Variants in IL1RAPL1 observed in about 807,000 individuals in gnomAD.
IL1RAPL1 encodes the protein interleukin 1 receptor accessory protein like 1.
A neutral mutation model predicts 48.4 loss-of-function variants in IL1RAPL1; 3 were observed. The observed-to-expected ratio is 0.06, with a 90% CI of 0.03 to 0.16. The LOEUF is 0.16. IL1RAPL1 is among the 10% of genes least tolerant of loss of function. The pLI, the probability that IL1RAPL1 is intolerant of heterozygous loss-of-function variation, is 1.00. For synonymous variants in IL1RAPL1, 185 were observed against 187.7 expected (o/e 0.99, Z 0.12); for missense variants, 349 against 530.6 (o/e 0.66, Z 3.36).
chrX:28,998,086 G>C (rs1925763035), intron 2 of IL1RAPL1, among the ~76,000 whole-genome samples: 1 of 111,919 alleles, frequency 8.9e-6, no homozygotes, highest in Admixed American at 9.5e-5. Flanking sequence ...TGCAAAGTCT[G>C]TTGTACTTAG....
intron 5 of IL1RAPL1, among the ~76,000 whole-genome samples, chrX:29,613,428 C>G (rs138920256): frequency 0.081 from 8,922 of 110,562 alleles, 358 homozygotes; most frequent in Middle Eastern, 0.18. Context: ...GCTTCAATCT[C>G]TCAGCATTTC....
At chrX:29,500,118 C>G (rs978486659) in intron 5 of IL1RAPL1, among the ~76,000 whole-genome samples, 2 of 110,195 alleles carry the variant, frequency 1.8e-5, no homozygotes, top group Admixed American at 1.9e-4. Context: ...GCTGGGATTA[C>G]AGGTGCATGC....
chrX:29,379,389 G>A (rs932907089), intron 3 of IL1RAPL1, among the ~76,000 whole-genome samples: 4 of 112,165 alleles, frequency 3.6e-5, no homozygotes, highest in African/African-American at 1.3e-4. Context: ...GTTGGGCCTA[G>A]AGATTCTCAG....
At chrX:29,640,017 A>G (rs1402701786) in intron 5 of IL1RAPL1, among the ~76,000 whole-genome samples, 2 of 111,742 alleles carry the variant, frequency 1.8e-5, no homozygotes. Flanking sequence ...ATGAAAAGAA[A>G]TGAAGCTGAA....
chrX:29,769,733 C>A (rs1435892263), intron 6 of IL1RAPL1, among the ~76,000 whole-genome samples: 2 of 105,228 alleles, frequency 1.9e-5, no homozygotes, highest in African/African-American at 7.0e-5. Context: ...TCTCCTTCCT[C>A]AGCCTCCTGA....
chrX:28,777,738 G>T (rs1036923152), intron 1 of IL1RAPL1, among the ~76,000 whole-genome samples: 21 of 110,718 alleles, frequency 1.9e-4, no homozygotes, highest in African/African-American at 6.6e-4. Flanking sequence ...TTAAACTTGT[G>T]ATCTGAGGGT....
At chrX:29,159,971 A>C (rs779843449) in intron 2 of IL1RAPL1, among the ~76,000 whole-genome samples, 1,314 of 111,715 alleles carry the variant, frequency 0.012, 20 homozygotes, top group African/African-American at 0.04. Flanking sequence ...TCAGCCTCCC[A>C]AAATGCTGGG....
chrX:29,093,338 G>T (rs1287540473), intron 2 of IL1RAPL1, among the ~76,000 whole-genome samples: 1 of 110,201 alleles, frequency 9.1e-6, no homozygotes, highest in South Asian at 3.9e-4. Context: ...CAGGAGGAGG[G>T]GGGTGGGAGA....
intron 1 of IL1RAPL1, among the ~76,000 whole-genome samples, chrX:28,708,752 A>G (rs773394502): frequency 2.5e-4 from 28 of 111,531 alleles, no homozygotes; most frequent in Non-Finnish European, 4.1e-4. Context: ...GGAGTTAAAA[A>G]ACTTGATCAC....
chrX:28,746,835 T>C (rs764085107), intron 1 of IL1RAPL1, among the ~76,000 whole-genome samples: 4 of 111,913 alleles, frequency 3.6e-5, no homozygotes, highest in South Asian at 7.4e-4. Flanking sequence ...AAAATTCTTA[T>C]AAACTTCAGT....
intron 6 of IL1RAPL1, among the ~76,000 whole-genome samples, chrX:29,892,117 A>G (rs185693570): frequency 3.6e-5 from 4 of 112,475 alleles, no homozygotes; most frequent in African/African-American, 9.7e-5. Flanking sequence ...AAGTTTTAAC[A>G]TGATTGCCTA....
intron 1 of IL1RAPL1, among the ~76,000 whole-genome samples, chrX:28,762,819 CACACAGAGAGAGAGAGAGAGAG>C (rs1362535360): frequency 4.8e-4 from 19 of 39,268 alleles, no homozygotes; most frequent in Non-Finnish European, 8.6e-4. Context: ...CACACACACA[CACACAGAGAGAGAGAGAGAGAG>C]AGAGAGAGAG....
intron 1 of IL1RAPL1, among the ~76,000 whole-genome samples, chrX:28,727,990 C>T (rs921978995): frequency 1.3e-4 from 14 of 110,353 alleles, no homozygotes; most frequent in African/African-American, 4.3e-4. Context: ...TTAGTGGGTG[C>T]AGCGCACCAG....
intron 6 of IL1RAPL1, among the ~76,000 whole-genome samples, chrX:29,683,177 T>C (rs1257645891): frequency 8.9e-6 from 1 of 111,995 alleles, no homozygotes; most frequent in Non-Finnish European, 1.9e-5. Context: ...ATGACTTTAT[T>C]ACTGGGCACA....
intron 2 of IL1RAPL1, among the ~76,000 whole-genome samples, chrX:29,045,247 A>G (rs1347189282): frequency 8.9e-6 from 1 of 111,912 alleles, no homozygotes; most frequent in Admixed American, 9.5e-5. Flanking sequence ...TTTAACTTGG[A>G]TACTTCAACT....
intron 1 of IL1RAPL1, among the ~76,000 whole-genome samples, chrX:28,723,147 G>C (rs1306862349): frequency 1.8e-5 from 2 of 111,278 alleles, no homozygotes; most frequent in Non-Finnish European, 3.8e-5. Flanking sequence ...TCTATTCATT[G>C]GAATAGTTTC....
At chrX:28,591,611 G>T (rs1385845132) in intron 1 of IL1RAPL1, among the ~76,000 whole-genome samples, 1 of 111,675 alleles carries the variant, frequency 9.0e-6, no homozygotes, top group Non-Finnish European at 1.9e-5. Context: ...AATTGTACCG[G>T]TTGGGCAGCT....
intron 5 of IL1RAPL1, among the ~76,000 whole-genome samples, chrX:29,649,562 C>G (rs748839382): frequency 9.0e-6 from 1 of 111,454 alleles, no homozygotes; most frequent in Non-Finnish European, 1.9e-5. Context: ...AAGATAAAAA[C>G]TCTCAACAAA....
intron 1 of IL1RAPL1, among the ~76,000 whole-genome samples, chrX:28,713,336 G>T (rs767254720): frequency 9.0e-6 from 1 of 111,259 alleles, no homozygotes; most frequent in African/African-American, 3.3e-5. Context: ...GATTACAGGC[G>T]TGAGCCACCA....
Sources: allele counts gnomAD v4.1 joint callset (sites outside exome capture counted in the v4.1 genomes callset), GRCh38; gene constraint gnomAD v4.1.1; transcripts MANE v1.5; gene names NCBI Gene and HGNC (gene_info 2026-07-23, HGNC 2026-07-21).